SMCO2: variants seen among roughly 807,000 people sequenced by gnomAD.
SMCO2 encodes the protein single-pass membrane and coiled-coil domain-containing protein 2.
In SMCO2, 25 loss-of-function variants were observed where a neutral mutation model predicts 29.5. The ratio of observed to expected loss-of-function variants is 0.85; its 90% confidence interval spans 0.62 to 1.18. The LOEUF (loss-of-function observed/expected upper bound fraction) is 1.18, where lower values mean the gene tolerates loss of function less well. Among genes scored for constraint, SMCO2 ranks in the 50% most tolerant of loss-of-function variants. SMCO2 has a pLI of 0.00. For missense variants in SMCO2, 348 were observed against 344.5 expected (o/e 1.01, Z -0.08); for synonymous variants, 117 against 123.3 (o/e 0.95, Z 0.34).
At chr12:27,457,410 A>G in the SMCO2 span, among the ~76,000 whole-genome samples, 1 of 152,148 alleles carries the variant, frequency 6.6e-6, no homozygotes, top group African/African-American at 2.4e-5. Context: ...TGTTTGTCCC[A>G]CTCACAAAGT....
At chr12:27,484,866 AAAAAAAT>A (rs1400348148) in intron 4 of SMCO2, among the ~76,000 whole-genome samples, 7 of 112,050 alleles carry the variant, frequency 6.2e-5, no homozygotes, top group African/African-American at 3.5e-4. Context: ...AAAAAAAAAA[AAAAAAAT>A]ATATATATAT....
chr12:27,488,546 AG>A lies in SMCO2; in HGVS notation c.450+1del, dbSNP rs1949708643. 1.3e-6 allele frequency: 2 copies of A among 1,534,058 alleles called. No homozygotes were observed. The highest frequency in any genetic ancestry group is 1.8e-6 in the Non-Finnish European group (2 of 1,139,428). ...GACCTTGATCAAGGGACAAGCACTGAGGTAAGCTAGAGACTTGGGAAAGACT... is the reference window on the plus strand; with the variant it reads ...GACCTTGATCAAGGGACAAGCACTGAGTAAGCTAGAGACTTGGGAAAGACT... On this transcript the variant is annotated frameshift_variant and splice_region_variant, in exon 5 of 8. Coordinates refer to ENST00000298876, the Ensembl canonical transcript of SMCO2. LOFTEE classifies it high-confidence loss of function.
At position 27,501,975 on chromosome 12, in the gene SMCO2, C is replaced by T. The variant is rs547589086; in HGVS notation, c.736C>T (p.Leu246Phe). Reference sequence around the variant, plus strand: ...GTTTGATGTCCTCACCGTCACTGGACTTTTATGTTACATACTATTTTTTGG... The same window carrying T: ...GTTTGATGTCCTCACCGTCACTGGATTTTTATGTTACATACTATTTTTTGG... Residue 246 changes from leucine (L) to phenylalanine (F), a missense_variant, in exon 8 of 8, where the codon CTT becomes TTT. Coordinates refer to ENST00000298876, the Ensembl canonical transcript of SMCO2. The T allele has an allele frequency of 7.1e-6, 11 of 1,547,246 alleles. No individual in the cohort carries two copies. The East Asian group carries it at 1.7e-4, about 24-fold the overall frequency.
the SMCO2 span, among the ~76,000 whole-genome samples, chr12:27,441,686 A>C: frequency 2.0e-5 from 3 of 152,210 alleles, no homozygotes; most frequent in Non-Finnish European, 4.4e-5. Flanking sequence ...AAAATCAACA[A>C]GGAAACAGTG....
the SMCO2 span, among the ~76,000 whole-genome samples, chr12:27,453,983 T>C: frequency 6.6e-6 from 1 of 152,082 alleles, no homozygotes; most frequent in Non-Finnish European, 1.5e-5. Context: ...TCTCTATGAA[T>C]CTCTTTTTTG....
At chr12:27,438,757 C>CCCAA in the SMCO2 span, among the ~76,000 whole-genome samples, 1 of 122,632 alleles carries the variant, frequency 8.2e-6, no homozygotes, top group African/African-American at 3.3e-5. Context: ...GGCTTCTCCC[C>CCCAA]CCACCCACCC....
At chr12:27,462,532 A>G (rs146415315), upstream of SMCO2, among the ~76,000 whole-genome samples, 6 of 152,128 alleles carry the variant, frequency 3.9e-5, no homozygotes, top group African/African-American at 1.4e-4. Flanking sequence ...TTTAATGCCT[A>G]CTCTGTTCCA....
At chr12:27,427,703 A>G in the SMCO2 span, among the ~76,000 whole-genome samples, 2 of 152,146 alleles carry the variant, frequency 1.3e-5, no homozygotes, top group African/African-American at 4.8e-5. Context: ...GTAATTCATG[A>G]TGGTTGACTC....
At chr12:27,444,871 A>G in the SMCO2 span, among the ~76,000 whole-genome samples, 5 of 152,372 alleles carry the variant, frequency 3.3e-5, no homozygotes, top group East Asian at 9.6e-4. Context: ...AATATATCAA[A>G]GAGATAGCTG....
At chr12:27,482,049 G>T (rs1949648151) in intron 4 of SMCO2, among the ~76,000 whole-genome samples, 2 of 149,930 alleles carry the variant, frequency 1.3e-5, no homozygotes. Context: ...GCTGACTTTA[G>T]GCTTATGTTG....
chr12:27,501,830 A>G (rs971313463), intron 7 of SMCO2, 93 bp from the exon 9 acceptor site: 2 of 962,694 alleles, frequency 2.1e-6, no homozygotes, highest in Non-Finnish European at 2.9e-6. Context: ...TACTTAGTTG[A>G]AGTTTTAGAG....
At chr12:27,439,582 G>T in the SMCO2 span, among the ~76,000 whole-genome samples, 2 of 152,094 alleles carry the variant, frequency 1.3e-5, no homozygotes, top group African/African-American at 4.8e-5. Flanking sequence ...AGGAAACTCA[G>T]CGATCTCCAA....
the SMCO2 span, among the ~76,000 whole-genome samples, chr12:27,433,506 TACAC>T: frequency 0.042 from 6,237 of 147,886 alleles, 250 homozygotes; most frequent in African/African-American, 0.1. Flanking sequence ...CAGATGTGTA[TACAC>T]ACACACACAC....
the SMCO2 span, among the ~76,000 whole-genome samples, chr12:27,443,157 T>G: frequency 6.6e-6 from 1 of 152,208 alleles, no homozygotes; most frequent in Non-Finnish European, 1.5e-5. Flanking sequence ...ATTAAAAAGA[T>G]CATTCACCAT....
At chr12:27,464,122 C>T (rs903589522), upstream of SMCO2, among the ~76,000 whole-genome samples, 9 of 152,054 alleles carry the variant, frequency 5.9e-5, no homozygotes, top group Admixed American at 5.2e-4. Flanking sequence ...AGGGTCTGAA[C>T]GAAGGGAGCC....
Position 27,495,873 on chromosome 12 carries a change from G to A in SMCO2, c.683+18G>A, listed in dbSNP as rs1422932551. 1 of 1,424,390 alleles carries A rather than the reference G, an allele frequency of 7.0e-7. No homozygotes were observed. The allele number at this position is 1,424,390 out of a possible 1,614,324, so 88.2% of individuals were successfully genotyped here. ...ACAGCATGGTAAGTCAGAGCAAGAGGCCATTCAGGGCTGGATGACTGCCCC... is the reference window on the plus strand; with the variant it reads ...ACAGCATGGTAAGTCAGAGCAAGAGACCATTCAGGGCTGGATGACTGCCCC... On this transcript the variant is annotated intron_variant, in intron 7 of 7. Coordinates refer to ENST00000298876, the Ensembl canonical transcript of SMCO2.
At chr12:27,478,084 G>A (rs1369624314) in intron 4 of SMCO2, among the ~76,000 whole-genome samples, 3 of 152,144 alleles carry the variant, frequency 2.0e-5, no homozygotes, top group Admixed American at 1.3e-4. Flanking sequence ...TCCTAAAGCT[G>A]TATTTATAGT....
chr12:27,468,622 T>A (rs563342912), intron 1 of SMCO2, among the ~76,000 whole-genome samples: 9 of 152,344 alleles, frequency 5.9e-5, no homozygotes, highest in African/African-American at 2.2e-4. Context: ...AGCTACTGTA[T>A]CAAATAGTGT....
intron 3 of SMCO2, among the ~76,000 whole-genome samples, chr12:27,474,567 G>A (rs451921): frequency 0.12 from 17,495 of 152,130 alleles, 1,942 homozygotes; most frequent in African/African-American, 0.27. Flanking sequence ...AGAGCTCTCC[G>A]TGTGGACACT....
Sources: allele counts gnomAD v4.1 joint callset (sites outside exome capture counted in the v4.1 genomes callset), GRCh38; gene constraint gnomAD v4.1.1; transcripts MANE v1.5; gene names NCBI Gene and HGNC (gene_info 2026-07-23, HGNC 2026-07-21).